ANK2: variants seen among roughly 807,000 people sequenced by gnomAD.
The protein encoded by ANK2 is ankyrin-2.
ANK2 carries 83 observed loss-of-function variants against 360.5 expected under a neutral mutation model. That is an observed-to-expected ratio of 0.23 (90% CI 0.19 to 0.28). The LOEUF is 0.28. ANK2 is among the 10% of genes least tolerant of loss of function. The probability of loss-of-function intolerance (pLI) is 1.00; values close to 1 mark genes in which losing one functional copy is unlikely to be tolerated. For missense variants in ANK2, 4,201 were observed against 4,795.7 expected (o/e 0.88, Z 3.66); for synonymous variants, 1,740 against 1,759.5 (o/e 0.99, Z 0.28).
Position 113,354,362 on chromosome 4 carries a change from C to G in ANK2, c.5744C>G (p.Pro1915Arg). 1.9e-6 allele frequency: 3 copies of G among 1,614,096 alleles called. No individual in the cohort carries two copies. The Admixed American group carries it at 5.0e-5, about 27-fold the overall frequency. Reference sequence around the variant, plus strand: ...TCAGGCAAAACAGACAAACGTCCACCTGTATCGCCCTCCGGGAGGACAGAA... The same window carrying G: ...TCAGGCAAAACAGACAAACGTCCACGTGTATCGCCCTCCGGGAGGACAGAA... ...SPSGKTDKRP[P>R]VSPSGRTEKH... The change falls in exon 38 of 46, where the codon CCT becomes CGT. Residue 1915 changes from proline to arginine, a missense_variant. Pro to Arg is a moderately radical substitution (Grantham distance 103, BLOSUM62 -2). Around this residue, in one of 4 missense-constraint regions of ANK2, gnomAD observed 2,642 missense variants for 2,714.5 expected, o/e 0.97. Coordinates refer to ENST00000357077, the MANE Select transcript of ANK2 (RefSeq NM_001148.6).
chr4:112,932,282 A>C (rs1460616220), intron 2 of ANK2, among the ~76,000 whole-genome samples: 1 of 152,116 alleles, frequency 6.6e-6, no homozygotes, highest in East Asian at 1.9e-4. Flanking sequence ...ACCTGAGGTC[A>C]GGAGTTCGAG....
chr4:113,288,621 G>A (rs905368766), intron 20 of ANK2, 135 bp downstream of exon 20: 5 of 753,706 alleles, frequency 6.6e-6, no homozygotes, highest in African/African-American at 1.8e-5. Context: ...ACGAGGTGAT[G>A]TAGTTTTGTA....
intron 23 of ANK2, among the ~76,000 whole-genome samples, chr4:113,306,988 C>T (rs894117239): frequency 7.1e-4 from 108 of 152,264 alleles, no homozygotes; most frequent in African/African-American, 2.3e-3. Context: ...GTGAGTTGAT[C>T]CCTGTCTTCG....
Position 113,358,768 on chromosome 4 carries a change from C to T in ANK2, c.10150C>T (p.Pro3384Ser), listed in dbSNP as rs1472337831. 9 of 1,614,064 alleles carry T rather than the reference C, an allele frequency of 5.6e-6. No individual in the cohort carries two copies. Among genetic ancestry groups the T allele is most frequent in the Admixed American group, 1.7e-5 (1 of 60,010 alleles). ...PQGQDMASIA[P>S]DNRSKSESDA... ...GGGACAGGACATGGCAAGCATCGCA[C>T]CAGATAATAGAAGCAAATCTGAATC... The change falls in exon 38 of 46, where the codon CCA becomes TCA. Residue 3384 changes from proline (P) to serine (S), a missense_variant. Pro to Ser is a moderately conservative substitution (Grantham distance 74). Transcript: ENST00000357077.
At chr4:112,893,831 CT>C (rs1243193875) in intron 1 of ANK2, among the ~76,000 whole-genome samples, 1 of 152,084 alleles carries the variant, frequency 6.6e-6, no homozygotes, top group Non-Finnish European at 1.5e-5. Context: ...TCTGTCTCTA[CT>C]AAAAACACAA....
intron 1 of ANK2, among the ~76,000 whole-genome samples, chr4:113,126,667 C>G (rs921327184): frequency 6.6e-6 from 1 of 152,104 alleles, no homozygotes; most frequent in African/African-American, 2.4e-5. Flanking sequence ...GTTTCCATTA[C>G]TGGGGAGAAG....
the ANK2 span, among the ~76,000 whole-genome samples, chr4:112,782,905 C>T: frequency 6.6e-5 from 10 of 151,188 alleles, no homozygotes; most frequent in Non-Finnish European, 1.2e-4. Flanking sequence ...GAATAAATAG[C>T]TTTTCTTTTC....
chr4:113,000,663 A>T (rs1347997789), intron 2 of ANK2, among the ~76,000 whole-genome samples: 1 of 152,202 alleles, frequency 6.6e-6, no homozygotes, highest in African/African-American at 2.4e-5. Flanking sequence ...TGGTAGATAG[A>T]GTTCAGTGTT....
intron 2 of ANK2, among the ~76,000 whole-genome samples, chr4:113,013,638 G>A (rs1352275130): frequency 4.6e-5 from 7 of 152,206 alleles, no homozygotes; most frequent in African/African-American, 1.4e-4. Flanking sequence ...AAACATATAT[G>A]TGTTTCCTTG....
chr4:112,912,665 C>T (rs888444668), intron 2 of ANK2, among the ~76,000 whole-genome samples: 1 of 151,904 alleles, frequency 6.6e-6, no homozygotes, highest in Non-Finnish European at 1.5e-5. Context: ...TGTGAGCAGC[C>T]TAATTTATTT....
At chr4:113,221,470 G>T (rs1488751221) in intron 4 of ANK2, among the ~76,000 whole-genome samples, 1 of 152,006 alleles carries the variant, frequency 6.6e-6, no homozygotes, top group Non-Finnish European at 1.5e-5. Context: ...GACCATCCTG[G>T]CCAACATGGT....
intron 2 of ANK2, among the ~76,000 whole-genome samples, chr4:112,962,908 G>A (rs1321267165): frequency 6.6e-6 from 1 of 152,148 alleles, no homozygotes; most frequent in East Asian, 1.9e-4. Flanking sequence ...ATCTCCAGTA[G>A]ATTCCTGCTA....
intron 2 of ANK2, among the ~76,000 whole-genome samples, chr4:112,979,392 G>C (rs994533184): frequency 6.6e-6 from 1 of 152,228 alleles, no homozygotes; most frequent in Non-Finnish European, 1.5e-5. Context: ...AGATGCCAGG[G>C]ACTGCGGAGC....
At chr4:112,740,869 A>G in the ANK2 span, among the ~76,000 whole-genome samples, 8 of 152,100 alleles carry the variant, frequency 5.3e-5, no homozygotes, top group African/African-American at 9.7e-5. Context: ...GGGCACCCAT[A>G]GTCCCTGCTA....
chr4:112,761,528 G>A, the ANK2 span, among the ~76,000 whole-genome samples: 8 of 152,178 alleles, frequency 5.3e-5, no homozygotes, highest in African/African-American at 1.9e-4. Context: ...GCTGAGGCAG[G>A]AGAGTCGCTT....
Position 113,288,493 on chromosome 4 carries a change from TA to T in ANK2, c.2277+8del, listed in dbSNP as rs1261262039. 6.2e-7 allele frequency: 1 copy of T among 1,609,962 alleles called. No homozygotes were observed. The highest frequency in any genetic ancestry group is 8.5e-7 in the Non-Finnish European group (1 of 1,176,452). On this transcript the variant is annotated splice_region_variant and intron_variant, in intron 20 of 45. Transcript: ENST00000357077. ...TGTTAACGCAAAAACCAAGGTAAAG[TA>T]CTTGTGGTCATTTTCAATTCCTATA... is the stretch of plus-strand genomic sequence containing the variant.
At chr4:112,715,881 C>T in the ANK2 span, among the ~76,000 whole-genome samples, 11 of 152,208 alleles carry the variant, frequency 7.2e-5, no homozygotes, top group African/African-American at 2.2e-4. Context: ...CGAGATTGCG[C>T]CACTGCACTA....
chr4:112,876,452 G>A (rs774824303), intron 1 of ANK2, among the ~76,000 whole-genome samples: 7 of 152,112 alleles, frequency 4.6e-5, no homozygotes, highest in Non-Finnish European at 8.8e-5. Flanking sequence ...TAAATAAAGA[G>A]GGTAGGAAAC....
At chr4:112,767,973 G>T in the ANK2 span, among the ~76,000 whole-genome samples, 5 of 152,236 alleles carry the variant, frequency 3.3e-5, no homozygotes, top group East Asian at 9.7e-4. Flanking sequence ...AGAGAGTATG[G>T]CTAGAAAGGC....
Sources: allele counts gnomAD v4.1 joint callset (sites outside exome capture counted in the v4.1 genomes callset), GRCh38; gene constraint gnomAD v4.1.1; regional missense constraint gnomAD v4.1.1; transcripts MANE v1.5; gene names NCBI Gene and HGNC (gene_info 2026-07-23, HGNC 2026-07-21).